Variants in TTC19 observed in about 807,000 individuals in gnomAD.
TTC19 encodes tetratricopeptide repeat protein 19, mitochondrial.
Under a neutral mutation model 49.5 loss-of-function variants are expected in TTC19, and 38 were observed. That is an observed-to-expected ratio of 0.77 (90% CI 0.59 to 1.01). TTC19 has a LOEUF of 1.01. Among genes scored for constraint, TTC19 ranks in the 50% least tolerant of loss-of-function variants. The pLI, the probability that TTC19 is intolerant of heterozygous loss-of-function variation, is 0.00. For synonymous variants in TTC19, 204 were observed against 185.2 expected (o/e 1.10, Z -0.83); for missense variants, 475 against 477.7 (o/e 0.99, Z 0.05).
At chr17:16,008,760 T>C (rs1246524772) in intron 7 of TTC19, among the ~76,000 whole-genome samples, 1 of 152,070 alleles carries the variant, frequency 6.6e-6, no homozygotes, top group African/African-American at 2.4e-5. Context: ...TGTTCTCTCT[T>C]ACCTTTCTCT....
At chr17:16,040,353 G>T in intron 2 of TTC19, 1 of 1,060,444 alleles carries the variant, frequency 9.4e-7, no homozygotes, top group Non-Finnish European at 1.5e-6. Flanking sequence ...CACTCCCCTG[G>T]TATACAGTTG....
exon 3 of TTC19, chr17:16,044,999 G>GAAA: frequency 4.8e-5 from 14 of 294,046 alleles, no homozygotes; most frequent in East Asian, 7.5e-5. Flanking sequence ...CTGAACTTAA[G>GAAA]AAAAAAAAAA....
At chr17:16,004,158 A>T in intron 5 of TTC19, 43 bp from the exon 6 acceptor site, 1 of 1,589,022 alleles carries the variant, frequency 6.3e-7, no homozygotes, top group Non-Finnish European at 8.6e-7. Context: ...GCCATGAAAA[A>T]ATTTACTTGT....
rs1970661095 is a variant in TTC19, at chr17:15,999,887, C to T, written c.39C>T (p.Phe13=). ...RLLSWSLGRG[F]LRAAGRRCRG... The stretch of plus-strand genomic sequence containing the variant: ...TGAGCTGGAGCCTGGGCCGAGGCTT[C>T]CTGCGGGCCGCGGGGCGGCGGTGCC... The change falls in exon 1 of 10, where the codon TTC becomes TTT. Residue 13 remains phenylalanine (F), a synonymous_variant. Transcript: ENST00000261647. The T allele has an allele frequency of 2.1e-6, 3 of 1,409,164 alleles. No individual in the cohort carries two copies. The highest frequency in any genetic ancestry group is 6.4e-5 in the Admixed American group (2 of 31,090). The allele number at this position is 1,409,164 out of a possible 1,614,324, so 87.3% of individuals were successfully genotyped here. A position where few individuals can be genotyped will look rare whatever the true frequency, so the allele number is the denominator to read the frequency against.
At chr17:16,017,631 G>C (rs1971255541) in intron 7 of TTC19, among the ~76,000 whole-genome samples, 1 of 151,354 alleles carries the variant, frequency 6.6e-6, no homozygotes, top group African/African-American at 2.4e-5. Flanking sequence ...TGTGGTGGCG[G>C]GTGCCTGTAA....
At position 16,034,826 on chromosome 17, in the gene TTC19, T is replaced by C. The variant is rs141896864; in HGVS notation, c.247+8124T>C. On this transcript the variant is annotated intron_variant, in intron 2 of 2. Coordinates refer to the TTC19 transcript ENST00000470649. ...GCGTCTGCCTATGGTAATCCCCTTC[T>C]GAATGTACAGAGGAGACTGAAGAGG... 266 of 1,614,118 alleles carry C rather than the reference T, an allele frequency of 1.6e-4. 1 individual carries two copies. In the Admixed American group the frequency reaches 2.2e-3, roughly 13 times the overall value.
Position 16,000,253 on chromosome 17 carries a change from G to A in TTC19, c.312+8G>A. The A allele has an allele frequency of 6.3e-7, 1 of 1,594,134 alleles. No homozygotes were observed. Among genetic ancestry groups the A allele is most frequent in the South Asian group, 1.1e-5 (1 of 90,876 alleles). ...CTGCTGAAGCGAGCCAAGGTGAGGC[G>A]GCTCCGGGCCCTGCGCCCGGCCGAG... is the stretch of plus-strand genomic sequence containing the variant. On this transcript the variant is annotated splice_region_variant and intron_variant, in intron 2 of 9. Coordinates refer to ENST00000261647, the MANE Select transcript of TTC19 (RefSeq NM_017775.4).
At chr17:16,035,747 G>T (rs1056929627) in intron 2 of TTC19, among the ~76,000 whole-genome samples, 2 of 151,946 alleles carry the variant, frequency 1.3e-5, no homozygotes, top group African/African-American at 4.8e-5. Flanking sequence ...TCACCATGTT[G>T]CCCAGGTTGG....
chr17:16,011,894 G>A (rs1188579235), intron 7 of TTC19, among the ~76,000 whole-genome samples: 1 of 152,120 alleles, frequency 6.6e-6, no homozygotes, highest in African/African-American at 2.4e-5. Context: ...TTTGTTAGTG[G>A]TTTTTATTAT....
chr17:16,014,352 C>G (rs1244826190), intron 7 of TTC19, among the ~76,000 whole-genome samples: 2 of 152,216 alleles, frequency 1.3e-5, no homozygotes. Flanking sequence ...AGAACGGATA[C>G]TGGGACAAAG....
At chr17:16,015,449 T>G (rs1243136847) in intron 7 of TTC19, among the ~76,000 whole-genome samples, 3 of 152,206 alleles carry the variant, frequency 2.0e-5, no homozygotes, top group Non-Finnish European at 4.4e-5. Flanking sequence ...TACACTACTC[T>G]TACGTATCTG....
rs1432783886 is a variant in TTC19 at position 16,027,992 on chromosome 17, C to CT, written c.*472dup. Reference sequence around the variant, plus strand: ...AGGGGGATTATGGTGAATTGTTGTTCTTATAGTCTGTTTCATGAAGCACAA... The same window carrying CT: ...AGGGGGATTATGGTGAATTGTTGTTCTTTATAGTCTGTTTCATGAAGCACAA... On this transcript the variant is annotated 3_prime_UTR_variant, in exon 10 of 10. Coordinates refer to ENST00000261647, the MANE Select transcript of TTC19 (RefSeq NM_017775.4). 2 of 453,978 alleles carry CT rather than the reference C, an allele frequency of 4.4e-6. No homozygotes were observed. The highest frequency in any genetic ancestry group is 1.4e-4 in the East Asian group (2 of 14,408). 28.1% of individuals were successfully genotyped at this position (453,978 alleles called of 1,614,324 possible).
At chr17:16,003,983 T>A (rs1297332668) in intron 5 of TTC19, 96 bp downstream of exon 5, 8 of 1,375,080 alleles carry the variant, frequency 5.8e-6, no homozygotes, top group Non-Finnish European at 8.2e-6. Context: ...CATGCTTTGG[T>A]CAGGAAAGGT....
At position 16,004,248 on chromosome 17, in the gene TTC19, T is replaced by TG. The variant is rs769029563; in HGVS notation, c.568dup (p.Ala190GlyfsTer14). ...TTTCCCTAAAGCTGGCCAGTATCTA[T>TG]GCTGCGCAGAACAGGTAAGTACAGC... On this transcript the variant is annotated frameshift_variant, in exon 6 of 10. Transcript: ENST00000261647. LOFTEE classifies it high-confidence loss of function. The TG allele has an allele frequency of 6.2e-7, 1 of 1,614,220 alleles. No individual in the cohort carries two copies. The highest frequency in any genetic ancestry group is 1.1e-5 in the South Asian group (1 of 91,090).
At position 16,002,770 on chromosome 17, in the gene TTC19, AAC is replaced by A. The variant is rs772421073; in HGVS notation, c.424-21_424-20del. On this transcript the variant is annotated intron_variant, in intron 3 of 9. Transcript: ENST00000261647. ...AGGAACACAGTATTCTAAACTGAAA[AAC>A]AATTTGTAATTTGCTTTCAGATGGC... The A allele has an allele frequency of 1.8e-5, 29 of 1,613,236 alleles. No homozygotes were observed. The African/African-American group carries it at 3.6e-4, about 20-fold the overall frequency.
rs185261669 is a variant in TTC19, at chr17:16,028,991, G to A, written c.*1469G>A. The A allele has an allele frequency of 2.0e-3, 845 of 431,790 alleles. 4 individuals carry two copies. Among genetic ancestry groups the A allele is most frequent in the African/African-American group, 0.015 (755 of 48,734 alleles). 26.7% of individuals were successfully genotyped at this position (431,790 alleles called of 1,614,324 possible). A position where few individuals can be genotyped will look rare whatever the true frequency, so the allele number is the denominator to read the frequency against. On this transcript the variant is annotated 3_prime_UTR_variant, in exon 10 of 10. Transcript: ENST00000261647. ...TATTATTTACCATGCAGCTAATGCC[G>A]TTTACCAAGTCTAGCTCAGAGAGAT...
chr17:16,007,982 C>G (rs991842073), intron 7 of TTC19, among the ~76,000 whole-genome samples: 1 of 152,162 alleles, frequency 6.6e-6, no homozygotes, highest in South Asian at 2.1e-4. Context: ...TCATCAGCAG[C>G]TTTAACTTAG....
chr17:16,027,777 G>A lies in TTC19; in HGVS notation c.*255G>A, dbSNP rs989958322. ...GCTTTCAGTTGTAACACGTGACTTG[G>A]TGCTGTCCCTGCTGGTCTAAGTAGA... is the stretch of plus-strand genomic sequence containing the variant. On this transcript the variant is annotated 3_prime_UTR_variant, in exon 10 of 10. Coordinates refer to ENST00000261647, the MANE Select transcript of TTC19 (RefSeq NM_017775.4). The A allele has an allele frequency of 1.8e-6, 1 of 559,198 alleles. No individual in the cohort carries two copies. The highest frequency in any genetic ancestry group is 1.9e-5 in the African/African-American group (1 of 53,912). The allele number at this position is 559,198 out of a possible 1,614,324, so 34.6% of individuals were successfully genotyped here.
At chr17:16,024,691 T>G (rs1971494695) in intron 7 of TTC19, 1 of 348,230 alleles carries the variant, frequency 2.9e-6, no homozygotes, top group Admixed American at 4.5e-5. Flanking sequence ...TTGTTTTTCT[T>G]ATACCATACA....
Sources: gnomAD v4.1 joint callset for allele counts (sites outside exome capture counted in the v4.1 genomes callset) on GRCh38, gnomAD v4.1.1 for gene constraint, MANE v1.5 for transcripts, NCBI Gene and HGNC (gene_info 2026-07-23, HGNC 2026-07-21) for gene names.